Variants in DYM observed in about 807,000 individuals in gnomAD.
DYM encodes the protein dyggve-Melchior-Clausen syndrome protein.
A neutral mutation model predicts 93.1 loss-of-function variants in DYM; 78 were observed. The observed-to-expected ratio is 0.84, with a 90% CI of 0.70 to 1.01. The LOEUF is 1.01. Among genes scored for constraint, DYM ranks in the 50% least tolerant of loss-of-function variants. DYM has a pLI of 0.00. For missense variants in DYM, 789 were observed against 845.0 expected (o/e 0.93, Z 0.82); for synonymous variants, 321 against 319.7 (o/e 1.00, Z -0.04).
chr18:49,323,220 T>C (rs1424450061), intron 8 of DYM, among the ~76,000 whole-genome samples: 2 of 152,130 alleles, frequency 1.3e-5, no homozygotes, highest in African/African-American at 4.8e-5. Flanking sequence ...AAAAACAAGT[T>C]AGCAGGGTTA....
At chr18:49,056,704 A>ATT (rs71165363) in intron 17 of DYM, among the ~76,000 whole-genome samples, 12 of 143,316 alleles carry the variant, frequency 8.4e-5, no homozygotes, top group African/African-American at 2.0e-4. Context: ...CAACTGGGTA[A>ATT]TTTTTTTTTT....
chr18:49,391,882 C>CCTTTCAGGCATTA (rs1309422891), intron 2 of DYM, among the ~76,000 whole-genome samples: 2 of 152,134 alleles, frequency 1.3e-5, no homozygotes, highest in Non-Finnish European at 2.9e-5. Context: ...GGGCACCCTG[C>CCTTTCAGGCATTA]CTTTCAGGCA....
intron 8 of DYM, among the ~76,000 whole-genome samples, chr18:49,320,530 A>C (rs1457807525): frequency 1.3e-5 from 2 of 152,176 alleles, no homozygotes; most frequent in African/African-American, 2.4e-5. Flanking sequence ...GCTGAAGTGC[A>C]ATGTCACAAT....
chr18:49,175,457 A>G (rs1405541214), intron 14 of DYM, among the ~76,000 whole-genome samples: 1 of 152,176 alleles, frequency 6.6e-6, no homozygotes, highest in Admixed American at 6.6e-5. Flanking sequence ...ACAAAGAAGC[A>G]AGGTTAGGGC....
At chr18:49,125,013 A>G (rs747117483) in intron 15 of DYM, among the ~76,000 whole-genome samples, 30 of 152,188 alleles carry the variant, frequency 2.0e-4, no homozygotes, top group Non-Finnish European at 3.7e-4. Flanking sequence ...TAATCCCAGC[A>G]CTTTGGGAGG....
chr18:49,402,231 G>A (rs1195036403), intron 2 of DYM, among the ~76,000 whole-genome samples: 1 of 152,116 alleles, frequency 6.6e-6, no homozygotes, highest in South Asian at 2.1e-4. Flanking sequence ...AGGTAAATCA[G>A]AGCAAAAGAA....
intron 14 of DYM, among the ~76,000 whole-genome samples, chr18:49,187,230 C>T (rs773328011): frequency 6.6e-6 from 1 of 152,084 alleles, no homozygotes; most frequent in Non-Finnish European, 1.5e-5. Context: ...TGCTGGTACA[C>T]AGTCTAAGAA....
At chr18:49,332,942 G>A (rs1477447163) in intron 7 of DYM, among the ~76,000 whole-genome samples, 1 of 152,052 alleles carries the variant, frequency 6.6e-6, no homozygotes, top group Non-Finnish European at 1.5e-5. Context: ...TGTCAGAGAG[G>A]GTTCCAATGC....
In DYM at chr18:49,037,526, G is replaced by C. The variant is rs1159302179; in HGVS notation, c.*6529C>G. ...AGGATCATTAGGAGCCCAAACCTCA[G>C]CATCATCAATATATTCTTGTAACAA... On this transcript the variant is annotated 3_prime_UTR_variant, in exon 18 of 18. Transcript: ENST00000675505. Among the ~76,000 whole-genome samples the C allele has an allele frequency of 6.6e-6, 1 of 152,058 alleles. No individual in the cohort carries two copies. Among genetic ancestry groups the C allele is most frequent in the Non-Finnish European group, 1.5e-5 (1 of 68,012 alleles).
intron 15 of DYM, among the ~76,000 whole-genome samples, chr18:49,131,265 C>T (rs1474652921): frequency 2.0e-5 from 3 of 152,204 alleles, no homozygotes; most frequent in African/African-American, 7.2e-5. Context: ...CCACCTTCTC[C>T]CTGTGTCCTC....
chr18:49,081,479 C>G (rs1431444173), intron 17 of DYM, among the ~76,000 whole-genome samples: 5 of 146,518 alleles, frequency 3.4e-5, no homozygotes, highest in Middle Eastern at 3.5e-3. Flanking sequence ...GGCTCGGCAT[C>G]AGAGGGAGAC....
chr18:49,126,543 G>T (rs943933502), intron 15 of DYM: 10 of 152,118 alleles, frequency 6.6e-5, no homozygotes, highest in Non-Finnish European at 1.3e-4. Context: ...CATGAATTTG[G>T]AGAGTTTCTT....
At chr18:49,284,365 T>C (rs569382068) in intron 9 of DYM, among the ~76,000 whole-genome samples, 27 of 152,318 alleles carry the variant, frequency 1.8e-4, no homozygotes, top group Admixed American at 1.4e-3. Flanking sequence ...TCAGCCCTGA[T>C]GGATATGAAT....
intron 6 of DYM, among the ~76,000 whole-genome samples, chr18:49,338,576 A>G (rs925734795): frequency 4.6e-5 from 7 of 152,186 alleles, no homozygotes; most frequent in Admixed American, 1.3e-4. Context: ...AAACCAAAGG[A>G]CCCCAATTGA....
intron 5 of DYM, among the ~76,000 whole-genome samples, chr18:49,372,794 G>A (rs1264020511): frequency 6.6e-6 from 1 of 151,924 alleles, no homozygotes; most frequent in Admixed American, 6.6e-5. Flanking sequence ...TCTGTATAAA[G>A]GAAGCATATA....
At chr18:49,407,114 A>G (rs758215452) in intron 2 of DYM, among the ~76,000 whole-genome samples, 26 of 152,244 alleles carry the variant, frequency 1.7e-4, no homozygotes, top group Non-Finnish European at 3.4e-4. Context: ...TACGTAATGT[A>G]AAATTCCATT....
chr18:49,279,727 T>C (rs1375709818), intron 10 of DYM, among the ~76,000 whole-genome samples: 4 of 152,204 alleles, frequency 2.6e-5, no homozygotes, highest in African/African-American at 4.8e-5. Context: ...ATTGTCTCTA[T>C]GCCTATCCAC....
intron 13 of DYM, among the ~76,000 whole-genome samples, chr18:49,226,900 T>C (rs189317253): frequency 6.6e-6 from 1 of 152,186 alleles, no homozygotes; most frequent in Non-Finnish European, 1.5e-5. Context: ...AGACATATAA[T>C]TCAGCCTGAA....
intron 13 of DYM, among the ~76,000 whole-genome samples, chr18:49,235,839 C>A (rs1413274414): frequency 5.3e-5 from 8 of 150,522 alleles, no homozygotes; most frequent in Non-Finnish European, 7.4e-5. Context: ...AATATTCACT[C>A]AATTTTGTAA....
Sources: allele counts gnomAD v4.1 joint callset (sites outside exome capture counted in the v4.1 genomes callset), GRCh38; gene constraint gnomAD v4.1.1; transcripts MANE v1.5; gene names NCBI Gene and HGNC (gene_info 2026-07-23, HGNC 2026-07-21).